Variants in CMC2 observed in about 807,000 individuals in gnomAD.
CMC2 encodes C-X9-C motif containing 2.
Under a neutral mutation model 7.5 loss-of-function variants are expected in CMC2, and 5 were observed. The observed-to-expected ratio is 0.66, with a 90% confidence interval of 0.35 to 1.40. The LOEUF is 1.40. Among genes scored for constraint, CMC2 ranks in the 40% most tolerant of loss-of-function variants. CMC2 has a pLI of 0.04. For synonymous variants in CMC2, 37 were observed against 31.4 expected (o/e 1.18, Z -0.60); for missense variants, 115 against 92.3 (o/e 1.25, Z -1.01).
chr16:80,967,330 G>GT lies in CMC2; in HGVS notation c.*8762dup, dbSNP rs1289933738. ...GTATCTGCTTTGAAAAGATATCCTC[G>GT]TTTTTTGTTTTGTTTTGTTTTGTTT... is the stretch of plus-strand genomic sequence containing the variant. On this transcript the variant is annotated 3_prime_UTR_variant, in exon 4 of 4. Transcript: ENST00000219400. 1 of 153,044 alleles carries GT rather than the reference G, an allele frequency of 6.5e-6. No individual in the cohort carries two copies. Among genetic ancestry groups the GT allele is most frequent in the South Asian group, 2.1e-4 (1 of 4,838 alleles). 9.5% of individuals were successfully genotyped at this position (153,044 alleles called of 1,614,324 possible).
At chr16:81,003,335 T>A (rs1329628181) in intron 1 of CMC2, among the ~76,000 whole-genome samples, 2 of 152,248 alleles carry the variant, frequency 1.3e-5, no homozygotes, top group Non-Finnish European at 2.9e-5. Flanking sequence ...TTCAAAGTCA[T>A]AAGAAGATAT....
rs187820702 is a variant in CMC2, at chr16:80,972,541, G to T, written c.*3552C>A. 6.6e-6 allele frequency: 1 copy of T among 152,280 alleles called. No individual in the cohort carries two copies. Among genetic ancestry groups the T allele is most frequent in the East Asian group, 1.9e-4 (1 of 5,174 alleles). 9.4% of individuals were successfully genotyped at this position (152,280 alleles called of 1,614,324 possible). On this transcript the variant is annotated 3_prime_UTR_variant, in exon 4 of 4. Coordinates refer to ENST00000219400, the MANE Select transcript of CMC2 (RefSeq NM_020188.5). ...CTTCATTTATAAAAGGTGAGAAACA[G>T]CTCAACTTTCTAGCCTCACTCTTAA...
chr16:80,988,451 T>G (rs1967710579), intron 2 of CMC2: 1 of 658,276 alleles, frequency 1.5e-6, no homozygotes, highest in Non-Finnish European at 2.7e-6. Flanking sequence ...TTTGTCAATT[T>G]CAAACTTGAA....
intron 2 of CMC2, among the ~76,000 whole-genome samples, chr16:80,989,839 CAATAT>C (rs1433875881): frequency 6.6e-6 from 1 of 152,154 alleles, no homozygotes; most frequent in Non-Finnish European, 1.5e-5. Context: ...TTTTCGTCTA[CAATAT>C]GTTTACTTAT....
At chr16:80,999,174 A>G (rs572884246) in intron 1 of CMC2, among the ~76,000 whole-genome samples, 1 of 152,350 alleles carries the variant, frequency 6.6e-6, no homozygotes, top group South Asian at 2.1e-4. Context: ...ATATGATTCT[A>G]TACCCAGAAA....
Position 80,988,406 on chromosome 16 carries a change from G to A in CMC2, c.82-6529C>T. 4.9e-6 allele frequency: 3 copies of A among 606,116 alleles called. No individual in the cohort carries two copies. In the South Asian group the frequency reaches 6.0e-5, roughly 12 times the overall value. The allele number at this position is 606,116 out of a possible 1,614,324, so 37.5% of individuals were successfully genotyped here. A position where few individuals can be genotyped will look rare whatever the true frequency, so the allele number is the denominator to read the frequency against. On this transcript the variant is annotated intron_variant, in intron 2 of 3. Transcript: ENST00000219400. ...TCTTCAGAAAGATCAGTTAGGTAAA[G>A]TATTTCTTGATGACAGCAGATGTCT... is the stretch of plus-strand genomic sequence containing the variant.
intron 1 of CMC2, among the ~76,000 whole-genome samples, chr16:81,001,087 C>T (rs967080790): frequency 2.6e-5 from 4 of 152,164 alleles, no homozygotes; most frequent in South Asian, 4.1e-4. Flanking sequence ...AGTGAATTAA[C>T]GCAGCAACAG....
rs536140237 is a variant in CMC2, at chr16:80,988,502, A to C, written c.82-6625T>G. ...CAGTACAAAGAATTTCCAAATAGTA[A>C]CATTTCACCAAATTTGCTTTATCCT... On this transcript the variant is annotated intron_variant, in intron 2 of 3. Transcript: ENST00000219400. The C allele has an allele frequency of 5.0e-4, 349 of 691,380 alleles. 1 individual carries two copies. The South Asian group carries it at 5.1e-3, about 10-fold the overall frequency. The allele number at this position is 691,380 out of a possible 1,614,324, so 42.8% of individuals were successfully genotyped here.
At chr16:80,984,896 G>C (rs1314462942) in intron 2 of CMC2, among the ~76,000 whole-genome samples, 1 of 152,206 alleles carries the variant, frequency 6.6e-6, no homozygotes, top group East Asian at 1.9e-4. Context: ...AAGTGCCCCA[G>C]AGAAATTGGT....
At position 80,976,182 on chromosome 16, in the gene CMC2, G is replaced by A. The variant is rs200441699; in HGVS notation, c.154-3C>T. 881 of 1,538,666 alleles carry A rather than the reference G, an allele frequency of 5.7e-4. 9 individuals carry two copies. The African/African-American group carries it at 0.011, about 19-fold the overall frequency. ...CTCTTGGTCCTGTTTTCTACGTACT[G>A]AAAAATAAAAGAAGGGGGGGAGAAA... On this transcript the variant is annotated splice_polypyrimidine_tract_variant and splice_region_variant and intron_variant, in intron 3 of 3. Transcript: ENST00000219400.
At chr16:80,992,305 C>A (rs1968063314) in intron 2 of CMC2, among the ~76,000 whole-genome samples, 1 of 152,204 alleles carries the variant, frequency 6.6e-6, no homozygotes, top group Non-Finnish European at 1.5e-5. Flanking sequence ...GTGCAAACAA[C>A]ACTGCAGTAA....
At position 80,981,827 on chromosome 16, in the gene CMC2, C is replaced by G; in HGVS notation, c.132G>C (p.Leu44Phe). 6.2e-7 allele frequency: 1 copy of G among 1,610,274 alleles called. No homozygotes were observed. Among genetic ancestry groups the G allele is most frequent in the Non-Finnish European group, 8.5e-7 (1 of 1,177,502 alleles). ...FGYCNDVDRE[L>F]RKCLKNEYVE... ...TTACCTCATTCTTCAGGCATTTTCTCAACTCCCGATCAACATCATTACAAT... is the reference window on the plus strand; with the variant it reads ...TTACCTCATTCTTCAGGCATTTTCTGAACTCCCGATCAACATCATTACAAT... The change falls in exon 3 of 4, where the codon TTG (leucine) becomes TTC (phenylalanine). Residue 44 changes from leucine (L) to phenylalanine (F), a missense_variant. Physicochemically the swap from Leu to Phe is conservative, Grantham distance 22. Transcript: ENST00000219400.
chr16:80,996,918 A>G lies in CMC2; in HGVS notation c.81+396T>C, dbSNP rs1449648400. ...ATGTCTAATTATATAACACGTTTCTATTACCATTAAACACAGAATGGTAGC... is the reference window on the plus strand; with the variant it reads ...ATGTCTAATTATATAACACGTTTCTGTTACCATTAAACACAGAATGGTAGC... On this transcript the variant is annotated intron_variant, in intron 2 of 3. Transcript: ENST00000219400. 4 of 368,680 alleles carry G rather than the reference A, an allele frequency of 1.1e-5. No homozygotes were observed. The East Asian group carries it at 3.1e-4, about 29-fold the overall frequency. The allele number at this position is 368,680 out of a possible 1,614,324, so 22.8% of individuals were successfully genotyped here.
intron 1 of CMC2, among the ~76,000 whole-genome samples, chr16:81,002,251 C>T (rs1456583804): frequency 6.6e-6 from 1 of 151,984 alleles, no homozygotes; most frequent in African/African-American, 2.4e-5. Flanking sequence ...ATGCCGAAAC[C>T]CCATCTCTAC....
intron 2 of CMC2, among the ~76,000 whole-genome samples, chr16:80,985,932 G>C (rs28659930): frequency 0.17 from 23,533 of 138,092 alleles, 2,050 homozygotes; most frequent in East Asian, 0.25. Flanking sequence ...CAGGAATGAA[G>C]GGGAAGGAGC....
chr16:80,967,710 A>C lies in CMC2; in HGVS notation c.*8383T>G, dbSNP rs1911651915. Reference sequence around the variant, plus strand: ...ATAATCCAATCATAGCATTTTAGGAAATATGGATGCTCTGTAAGCAAATAC... The same window carrying C: ...ATAATCCAATCATAGCATTTTAGGACATATGGATGCTCTGTAAGCAAATAC... On this transcript the variant is annotated 3_prime_UTR_variant, in exon 4 of 4. Coordinates refer to ENST00000219400, the MANE Select transcript of CMC2 (RefSeq NM_020188.5). 6.6e-6 allele frequency: 1 copy of C among 152,216 alleles called. No homozygotes were observed. Among genetic ancestry groups the C allele is most frequent in the South Asian group, 2.1e-4 (1 of 4,836 alleles). The allele number at this position is 152,216 out of a possible 1,614,324, so 9.4% of individuals were successfully genotyped here.
intron 2 of CMC2, among the ~76,000 whole-genome samples, chr16:80,995,580 C>G (rs1446248267): frequency 2.0e-5 from 3 of 152,136 alleles, no homozygotes; most frequent in African/African-American, 7.2e-5. Flanking sequence ...ACACTTGAAC[C>G]TGGGAGGCGG....
At chr16:80,987,241 T>C (rs751851432) in intron 2 of CMC2, among the ~76,000 whole-genome samples, 28 of 152,164 alleles carry the variant, frequency 1.8e-4, no homozygotes, top group Non-Finnish European at 3.7e-4. Flanking sequence ...AGGAATCTTA[T>C]GTATTTATTT....
At position 80,970,062 on chromosome 16, in the gene CMC2, T is replaced by C. The variant is rs1011686564; in HGVS notation, c.*6031A>G. ...TATAATGAAGATTAAAAGGACAGTG[T>C]AGTAAGCAATGACAGACAGGTATTT... On this transcript the variant is annotated 3_prime_UTR_variant, in exon 4 of 4. Transcript: ENST00000219400. The C allele has an allele frequency of 2.6e-5, 4 of 152,234 alleles. No homozygotes were observed. In the East Asian group the frequency reaches 7.7e-4, roughly 29 times the overall value. The allele number at this position is 152,234 out of a possible 1,614,324, so 9.4% of individuals were successfully genotyped here. A position where few individuals can be genotyped will look rare whatever the true frequency, so the allele number is the denominator to read the frequency against.
Sources: gnomAD v4.1 joint callset for allele counts (sites outside exome capture counted in the v4.1 genomes callset) on GRCh38, gnomAD v4.1.1 for gene constraint, MANE v1.5 for transcripts, NCBI Gene and HGNC (gene_info 2026-07-23, HGNC 2026-07-21) for gene names.